PRRX2: variants seen among roughly 807,000 people sequenced by gnomAD.
PRRX2 encodes paired mesoderm homeobox protein 2.
PRRX2 carries 11 observed loss-of-function variants against 18.0 expected under a neutral mutation model. The observed-to-expected ratio is 0.61, with a 90% confidence interval of 0.39 to 1.01. The LOEUF is 1.01. Among genes scored for constraint, PRRX2 ranks in the 50% least tolerant of loss-of-function variants. The pLI is 0.01. For missense variants in PRRX2, 387 were observed against 351.0 expected (o/e 1.10, Z -0.82); for synonymous variants, 177 against 154.8 (o/e 1.14, Z -1.06).
At chr9:129,702,607 T>C (rs563618024) in intron 1 of PRRX2, among the ~76,000 whole-genome samples, 34 of 152,308 alleles carry the variant, frequency 2.2e-4, no homozygotes, top group Admixed American at 4.6e-4. Context: ...TGCTCCCACG[T>C]TGGACGGTAC....
At chr9:129,679,433 A>G (rs1259824385) in intron 1 of PRRX2, among the ~76,000 whole-genome samples, 1 of 152,118 alleles carries the variant, frequency 6.6e-6, no homozygotes, top group East Asian at 1.9e-4. Flanking sequence ...GCCAAGTGCT[A>G]CACCCTCTGC....
In PRRX2 at chr9:129,709,605, G is replaced by A. The variant is rs187163161; in HGVS notation, c.260-9626G>A. 5.4e-4 allele frequency among the ~76,000 whole-genome samples: 82 copies of A among 152,306 alleles called. No homozygotes were observed. Among genetic ancestry groups the A allele is most frequent in the Admixed American group, 2.4e-3 (37 of 15,304 alleles). On this transcript the variant is annotated intron_variant, in intron 1 of 3. Coordinates refer to ENST00000372469, the MANE Select transcript of PRRX2 (RefSeq NM_016307.4). This position sits in a 1 kb window ranked among gnomAD's most constrained non-coding sequence, Gnocchi z 4.2. ...CCCCTGGGGACCTGTCTGACTCCTC[G>A]GGCCCCACTGCGGCTTCCATCATCA...
At position 129,666,530 on chromosome 9, in the gene PRRX2, G is replaced by A. The variant is rs570594233; in HGVS notation, c.259+404G>A. 1.9e-4 allele frequency among the ~76,000 whole-genome samples: 29 copies of A among 151,838 alleles called. No homozygotes were observed. In the South Asian group the frequency reaches 6.0e-3, roughly 32 times the overall value. On this transcript the variant is annotated intron_variant, in intron 1 of 3. Coordinates refer to ENST00000372469, the MANE Select transcript of PRRX2 (RefSeq NM_016307.4). ...GCTAGCGCCGCCCCAGCTCCTCCTCGGTCTTAAGTTGGGCTCTTTGGGGGG... is the reference window on the plus strand; with the variant it reads ...GCTAGCGCCGCCCCAGCTCCTCCTCAGTCTTAAGTTGGGCTCTTTGGGGGG...
chr9:129,717,525 G>A (rs1385114673), intron 1 of PRRX2, among the ~76,000 whole-genome samples: 1 of 151,794 alleles, frequency 6.6e-6, no homozygotes, highest in Non-Finnish European at 1.5e-5. Context: ...GTGAAACTCT[G>A]TTTCTACTAA....
intron 1 of PRRX2, among the ~76,000 whole-genome samples, chr9:129,690,807 G>A (rs931924358): frequency 1.3e-5 from 2 of 151,374 alleles, no homozygotes; most frequent in Non-Finnish European, 2.9e-5. Context: ...CGCCCAGCCA[G>A]TGCCAGCTCT....
In PRRX2 at chr9:129,665,927, G is replaced by T. The variant is rs1324126415; in HGVS notation, c.60G>T (p.Pro20=). The change falls in exon 1 of 4, where the codon CCG becomes CCT. Residue 20 remains proline (P), a synonymous_variant. Transcript: ENST00000372469. This position sits in a 1 kb window ranked among gnomAD's most constrained non-coding sequence, Gnocchi z 5.3. ...AGCCGGCGCTGGGCCCGGGGCCGCC[G>T]CCGCCTCCACCCGCGCTGGGGCCCG... The part of the protein sequence containing the change: ...LDKPALGPGP[P]PPPPALGPGD... The T allele has an allele frequency of 1.8e-6, 2 of 1,117,076 alleles. No homozygotes were observed. The highest frequency in any genetic ancestry group is 1.1e-6 in the Non-Finnish European group (1 of 914,598). 69.2% of individuals were successfully genotyped at this position (1,117,076 alleles called of 1,614,324 possible).
intron 1 of PRRX2, among the ~76,000 whole-genome samples, chr9:129,704,830 TGGGCCCCA>T (rs1832538143): frequency 6.6e-6 from 1 of 152,196 alleles, no homozygotes; most frequent in African/African-American, 2.4e-5. Context: ...TCTTTGTGCC[TGGGCCCCA>T]GCCCTCACCC....
intron 1 of PRRX2, among the ~76,000 whole-genome samples, chr9:129,672,287 C>T (rs1216367259): frequency 1.3e-5 from 2 of 152,152 alleles, no homozygotes; most frequent in Non-Finnish European, 2.9e-5. Context: ...GTGAGAGTGA[C>T]CGGGAAGCCT....
intron 1 of PRRX2, among the ~76,000 whole-genome samples, chr9:129,705,534 T>C (rs1447669852): frequency 1.3e-5 from 2 of 152,008 alleles, no homozygotes; most frequent in Non-Finnish European, 2.9e-5. Flanking sequence ...TTTGTATTTT[T>C]AGTAGAGACA....
rs142042933 is a variant in PRRX2, at chr9:129,706,307, G to A, written c.260-12924G>A. ...ACACAAAAATTTTTTTTTCCCAGGCGCGGTGGCTCACACCTGTAATCCCAG... is the reference window on the plus strand; with the variant it reads ...ACACAAAAATTTTTTTTTCCCAGGCACGGTGGCTCACACCTGTAATCCCAG... On this transcript the variant is annotated intron_variant, in intron 1 of 3. Coordinates refer to ENST00000372469, the MANE Select transcript of PRRX2 (RefSeq NM_016307.4). Among the ~76,000 whole-genome samples, 127 of 95,890 alleles carry A rather than the reference G, an allele frequency of 1.3e-3. 1 individual carries two copies. The highest frequency in any genetic ancestry group is 2.0e-3 in the Admixed American group (18 of 9,228). The allele number at this position is 95,890 out of a possible 152,430, so 62.9% of individuals were successfully genotyped here.
intron 1 of PRRX2, among the ~76,000 whole-genome samples, chr9:129,712,426 C>T (rs1008035155): frequency 6.6e-6 from 1 of 152,110 alleles, no homozygotes; most frequent in Admixed American, 6.6e-5. Context: ...ACTATTTAGA[C>T]CCTTAAATTA....
chr9:129,676,636 A>C (rs983993795), intron 1 of PRRX2, among the ~76,000 whole-genome samples: 4 of 152,162 alleles, frequency 2.6e-5, no homozygotes, highest in African/African-American at 9.7e-5. Context: ...TCCAGTCCAC[A>C]GTTGATGTAG....
chr9:129,675,654 C>G lies in PRRX2; in HGVS notation c.259+9528C>G, dbSNP rs749155746. ...CTGTCCTCCCCCACTGCCGGTCTCC[C>G]CCTCGCTGGCCTCCCTTCTTGCCGT... On this transcript the variant is annotated intron_variant, in intron 1 of 3. Transcript: ENST00000372469. This position sits in a 1 kb window ranked among gnomAD's most constrained non-coding sequence, Gnocchi z 4.4. 6.6e-6 allele frequency among the ~76,000 whole-genome samples: 1 copy of G among 152,060 alleles called. No homozygotes were observed. Among genetic ancestry groups the G allele is most frequent in the Non-Finnish European group, 1.5e-5 (1 of 67,966 alleles).
At chr9:129,714,675 C>T (rs16931406) in intron 1 of PRRX2, among the ~76,000 whole-genome samples, 12,416 of 152,162 alleles carry the variant, frequency 0.082, 674 homozygotes, top group African/African-American at 0.15. Flanking sequence ...GGCTCCATGT[C>T]GCCACACAGC....
At chr9:129,679,489 G>A (rs1457305404) in intron 1 of PRRX2, among the ~76,000 whole-genome samples, 1 of 152,164 alleles carries the variant, frequency 6.6e-6, no homozygotes, top group African/African-American at 2.4e-5. Context: ...GAAGGCAGGC[G>A]GTTTTATGAC....
intron 1 of PRRX2, among the ~76,000 whole-genome samples, chr9:129,674,427 G>T (rs1832139486): frequency 6.6e-6 from 1 of 152,180 alleles, no homozygotes; most frequent in Non-Finnish European, 1.5e-5. Context: ...GGTAGGAGGG[G>T]CTAGGAGTGA....
intron 2 of PRRX2, among the ~76,000 whole-genome samples, chr9:129,720,280 C>G (rs1318369018): frequency 6.6e-6 from 1 of 151,014 alleles, no homozygotes; most frequent in African/African-American, 2.4e-5. Context: ...CGCCTCTCCC[C>G]CCGAGTGCTC....
intron 1 of PRRX2, among the ~76,000 whole-genome samples, chr9:129,669,921 C>T (rs1832078812): frequency 6.6e-6 from 1 of 151,628 alleles, no homozygotes; most frequent in Non-Finnish European, 1.5e-5. Context: ...CATTGTCGTG[C>T]AGTCGCCACC....
At chr9:129,710,965 G>A (rs1832610695) in intron 1 of PRRX2, among the ~76,000 whole-genome samples, 1 of 152,118 alleles carries the variant, frequency 6.6e-6, no homozygotes, top group African/African-American at 2.4e-5. Context: ...CACCCTCACA[G>A]GGCTTGGGGC....
Sources: gnomAD v4.1 joint callset for allele counts (sites outside exome capture counted in the v4.1 genomes callset) on GRCh38, gnomAD v4.1.1 for gene constraint, Gnocchi (gnomAD v3.1) non-coding constraint, MANE v1.5 for transcripts, NCBI Gene and HGNC (gene_info 2026-07-23, HGNC 2026-07-21) for gene names.